NEDD4: variants seen among roughly 807,000 people sequenced by gnomAD.
The protein encoded by NEDD4 is E3 ubiquitin-protein ligase NEDD4.
NEDD4 carries 99 observed loss-of-function variants against 144.9 expected under a neutral mutation model. That is an observed-to-expected ratio of 0.68 (90% CI 0.58 to 0.81). The LOEUF (loss-of-function observed/expected upper bound fraction) is 0.81, where lower values mean the gene tolerates loss of function less well. NEDD4 is among the 30% of genes least tolerant of loss of function. NEDD4 has a pLI of 0.00. For synonymous variants in NEDD4, 318 were observed against 350.6 expected (o/e 0.91, Z 1.04); for missense variants, 985 against 1,065.9 (o/e 0.92, Z 1.06).
chr15:55,981,268 T>C (rs974967803), intron 1 of NEDD4, among the ~76,000 whole-genome samples: 6 of 152,150 alleles, frequency 3.9e-5, no homozygotes, highest in Non-Finnish European at 7.4e-5. Context: ...CACCACCATG[T>C]TGGCCAGGCT....
chr15:55,840,599 T>C lies in NEDD4; in HGVS notation c.1960+7A>G, dbSNP rs528725869. 1.2e-6 allele frequency: 2 copies of C among 1,614,016 alleles called. No individual in the cohort carries two copies. The highest frequency in any genetic ancestry group is 2.7e-5 in the African/African-American group (2 of 75,040). On this transcript the variant is annotated splice_region_variant and intron_variant, in intron 20 of 28. Coordinates refer to ENST00000435532, the MANE Select transcript of NEDD4 (RefSeq NM_006154.4). ...TATATTGTAAAAAGTTTATACTTAA[T>C]ACTAACCATCCAACAGTTTGCCATG...
intron 1 of NEDD4, among the ~76,000 whole-genome samples, chr15:55,984,769 T>C (rs954632899): frequency 1.3e-5 from 2 of 152,208 alleles, no homozygotes; most frequent in Non-Finnish European, 2.9e-5. Context: ...CCCCATTCAT[T>C]TATCCTCTTA....
At chr15:55,877,424 T>G (rs1349987551) in intron 5 of NEDD4, among the ~76,000 whole-genome samples, 1 of 152,234 alleles carries the variant, frequency 6.6e-6, no homozygotes, top group Non-Finnish European at 1.5e-5. Context: ...CCCTTCTCAG[T>G]GCATCATATC....
At chr15:55,864,904 T>G (rs1452970581) in intron 8 of NEDD4, among the ~76,000 whole-genome samples, 1 of 151,904 alleles carries the variant, frequency 6.6e-6, no homozygotes, top group Non-Finnish European at 1.5e-5. Flanking sequence ...AACTCAACTT[T>G]ATAGGAATTC....
intron 7 of NEDD4, among the ~76,000 whole-genome samples, chr15:55,870,328 C>T (rs192858327): frequency 1.9e-3 from 284 of 152,240 alleles, no homozygotes; most frequent in Non-Finnish European, 3.6e-3. Context: ...TGATCAGTGT[C>T]TGAAACCTGC....
chr15:55,891,902 T>C (rs1208873829), intron 5 of NEDD4, among the ~76,000 whole-genome samples: 4 of 152,134 alleles, frequency 2.6e-5, no homozygotes, highest in African/African-American at 7.2e-5. Flanking sequence ...AAAATCAGAA[T>C]TTAAAAAACA....
At chr15:55,879,354 A>G (rs964925973) in intron 5 of NEDD4, among the ~76,000 whole-genome samples, 1 of 152,206 alleles carries the variant, frequency 6.6e-6, no homozygotes, top group Non-Finnish European at 1.5e-5. Context: ...CCCAGGAAAG[A>G]AAATTCCTCT....
chr15:55,955,117 G>A (rs1282264741), intron 2 of NEDD4, among the ~76,000 whole-genome samples: 2 of 151,618 alleles, frequency 1.3e-5, no homozygotes, highest in African/African-American at 4.9e-5. Flanking sequence ...TGCCTCCCGG[G>A]CTCAAGCAAT....
intron 1 of NEDD4, among the ~76,000 whole-genome samples, chr15:55,967,185 C>T (rs1461957448): frequency 6.6e-6 from 1 of 152,056 alleles, no homozygotes. Flanking sequence ...TGCACCCAGC[C>T]CATAATAATT....
In NEDD4 at chr15:55,840,485, G is replaced by A; in HGVS notation, c.1993C>T (p.Leu665Phe). Residue 665 changes from leucine (L) to phenylalanine (F), a missense_variant, in exon 21 of 29, where the codon CTT becomes TTT. Physicochemically the swap from Leu to Phe is conservative, Grantham distance 22. Coordinates refer to ENST00000435532, the MANE Select transcript of NEDD4 (RefSeq NM_006154.4). ...TCATGAAGGGTTATTGGTTTGTGAA[G>A]CATCATCTTGTAAAATGGGCGGATG... ...FFIRPFYKMM[L>F]HKPITLHDME... 1 of 1,613,932 alleles carries A rather than the reference G, an allele frequency of 6.2e-7. No individual in the cohort carries two copies. Among genetic ancestry groups the A allele is most frequent in the South Asian group, 1.1e-5 (1 of 91,058 alleles).
rs1247254903 is a variant in NEDD4 at position 55,917,175 on chromosome 15, T to G, written c.291+7471A>C. 3.8e-6 allele frequency: 4 copies of G among 1,039,970 alleles called. No individual in the cohort carries two copies. The African/African-American group carries it at 6.8e-5, about 18-fold the overall frequency. 64.4% of individuals were successfully genotyped at this position (1,039,970 alleles called of 1,614,324 possible). A position where few individuals can be genotyped will look rare whatever the true frequency, so the allele number is the denominator to read the frequency against. On this transcript the variant is annotated intron_variant, in intron 5 of 28. Transcript: ENST00000435532. ...CCAACCTTGTTTCAATTATACCTTCTCCAATTTGCATGAATGAGTAACACA... is the reference window on the plus strand; with the variant it reads ...CCAACCTTGTTTCAATTATACCTTCGCCAATTTGCATGAATGAGTAACACA...
chr15:55,992,222 T>G (rs1167624111), intron 1 of NEDD4, among the ~76,000 whole-genome samples: 2 of 152,238 alleles, frequency 1.3e-5, no homozygotes, highest in African/African-American at 4.8e-5. Flanking sequence ...ACATTGACTA[T>G]TGTTTCTGAG....
At chr15:55,992,027 A>G (rs1017373268) in intron 1 of NEDD4, 2 of 152,244 alleles carry the variant, frequency 1.3e-5, no homozygotes, top group Admixed American at 6.5e-5. Flanking sequence ...GCAGGGAAAG[A>G]AAGTCCAAGG....
rs1055778269 is a variant in NEDD4, at chr15:55,828,500, T to C, written c.*1397A>G. The stretch of plus-strand genomic sequence containing the variant: ...AGGTGTGCTGGAACCTAGAACACTT[T>C]CCCTTTTGCCTTATTCTGCTTACGC... On this transcript the variant is annotated 3_prime_UTR_variant, in exon 29 of 29. Coordinates refer to ENST00000435532, the MANE Select transcript of NEDD4 (RefSeq NM_006154.4). 1 of 152,210 alleles carries C rather than the reference T, an allele frequency of 6.6e-6. No homozygotes were observed. The highest frequency in any genetic ancestry group is 2.4e-5 in the African/African-American group (1 of 41,458). The allele number at this position is 152,210 out of a possible 1,614,324, so 9.4% of individuals were successfully genotyped here.
At chr15:55,951,264 T>C in intron 4 of NEDD4, 112 bp downstream of exon 4, 1 of 541,086 alleles carries the variant, frequency 1.8e-6, no homozygotes, top group African/African-American at 2.0e-5. Flanking sequence ...TTCACAACTT[T>C]AGGCAAATTC....
At chr15:55,933,861 T>A (rs1273283150) in intron 4 of NEDD4, among the ~76,000 whole-genome samples, 1 of 152,076 alleles carries the variant, frequency 6.6e-6, no homozygotes, top group Non-Finnish European at 1.5e-5. Flanking sequence ...CTTTATAAAT[T>A]ACACAGTCTT....
chr15:55,865,077 A>T (rs761304271), intron 8 of NEDD4, among the ~76,000 whole-genome samples: 17 of 151,902 alleles, frequency 1.1e-4, no homozygotes, highest in Non-Finnish European at 5.9e-5. Flanking sequence ...GGGCGCCTGT[A>T]ATCCCAGCTA....
At chr15:55,914,843 T>C (rs1320550259) in intron 5 of NEDD4, among the ~76,000 whole-genome samples, 1 of 152,060 alleles carries the variant, frequency 6.6e-6, no homozygotes, top group African/African-American at 2.4e-5. Context: ...TTCTAAATTT[T>C]ACTCTATTTC....
intron 1 of NEDD4, 25 bp from the exon 2 acceptor site, chr15:55,966,571 A>ATT (rs1173203444): frequency 7.1e-7 from 1 of 1,406,822 alleles, no homozygotes; most frequent in Non-Finnish European, 9.6e-7. Flanking sequence ...TTTAGATTTC[A>ATT]TTTTCATGTA....
Sources: allele counts gnomAD v4.1 joint callset (sites outside exome capture counted in the v4.1 genomes callset), GRCh38; gene constraint gnomAD v4.1.1; transcripts MANE v1.5; gene names NCBI Gene and HGNC (gene_info 2026-07-23, HGNC 2026-07-21).